Variants in CSMD1 observed in about 807,000 individuals in gnomAD.
CSMD1 encodes CUB and sushi domain-containing protein 1.
Under a neutral mutation model 417.5 loss-of-function variants are expected in CSMD1, and 213 were observed. The observed-to-expected ratio is 0.51, with a 90% CI of 0.46 to 0.57. CSMD1 has a LOEUF of 0.57. Ranked by LOEUF, CSMD1 falls within the 20% of genes least tolerant of loss-of-function variation. The pLI is 0.00. For missense variants in CSMD1, 6,923 were observed against 4,529.7 expected, an observed-to-expected ratio of 1.53 and a Z score of -15.17; for synonymous variants, 2,862 against 1,736.8, an observed-to-expected ratio of 1.65 and a Z score of -16.11.
intron 1 of CSMD1, among the ~76,000 whole-genome samples, chr8:4,706,410 T>C (rs1421492204): frequency 6.6e-6 from 1 of 152,206 alleles, no homozygotes; most frequent in Non-Finnish European, 1.5e-5. Flanking sequence ...TATAATGAAA[T>C]TGCTATAGCA....
chr8:3,935,927 A>G (rs762116661), intron 5 of CSMD1, among the ~76,000 whole-genome samples: 3 of 152,192 alleles, frequency 2.0e-5, no homozygotes, highest in Non-Finnish European at 2.9e-5. Flanking sequence ...CTCCTGCACT[A>G]AACAGTGAGC....
intron 10 of CSMD1, among the ~76,000 whole-genome samples, chr8:3,511,574 G>A (rs150221323): frequency 2.5e-3 from 377 of 151,496 alleles, no homozygotes; most frequent in Middle Eastern, 6.8e-3. Context: ...GGCCAAAATG[G>A]TGAAACCCCT....
intron 10 of CSMD1, among the ~76,000 whole-genome samples, chr8:3,508,202 C>A (rs1323333898): frequency 6.6e-6 from 1 of 152,178 alleles, no homozygotes; most frequent in South Asian, 2.1e-4. Context: ...CTTTGGTTGT[C>A]TAGAAATAGC....
chr8:2,946,230 G>C (rs149478910), intron 68 of CSMD1, among the ~76,000 whole-genome samples: 3 of 152,184 alleles, frequency 2.0e-5, no homozygotes, highest in Non-Finnish European at 2.9e-5. Flanking sequence ...GTCATTATGC[G>C]ATGCGTGACT....
Position 3,230,064 on chromosome 8 carries a change from G to T in CSMD1, c.4321C>A (p.Gln1441Lys), listed in dbSNP as rs1298544802. ...CCTATGCATGTAGGAGGGTCTGGTT[G>T]CCAAAAGAACCGGTTATTCAGCTGC... ...CVQLNNRFFW[Q>K]PDPPTCIAAC... The change falls in exon 27 of 70, where the codon CAA becomes AAA. Residue 1441 changes from glutamine to lysine, a missense_variant. Physicochemically the swap from Gln to Lys is moderately conservative, Grantham distance 53. Coordinates refer to ENST00000635120, the MANE Select transcript of CSMD1 (RefSeq NM_033225.6). The T allele has an allele frequency of 6.2e-6, 10 of 1,607,790 alleles. No individual in the cohort carries two copies. The highest frequency in any genetic ancestry group is 8.5e-6 in the Non-Finnish European group (10 of 1,176,796).
At chr8:3,437,644 A>C (rs1018564366) in intron 12 of CSMD1, among the ~76,000 whole-genome samples, 4 of 152,232 alleles carry the variant, frequency 2.6e-5, no homozygotes, top group Non-Finnish European at 5.9e-5. Flanking sequence ...GGTTGTGATT[A>C]TAATTTATTA....
At chr8:3,212,742 G>T (rs778373698) in intron 30 of CSMD1, among the ~76,000 whole-genome samples, 1 of 152,046 alleles carries the variant, frequency 6.6e-6, no homozygotes, top group Non-Finnish European at 1.5e-5. Context: ...TAAGAGAATG[G>T]ACTTAGAAAC....
At chr8:3,297,918 T>C (rs1439703340) in intron 25 of CSMD1, among the ~76,000 whole-genome samples, 1 of 152,018 alleles carries the variant, frequency 6.6e-6, no homozygotes, top group Non-Finnish European at 1.5e-5. Flanking sequence ...ATCATTTCAG[T>C]ATAAAAAAAT....
chr8:4,613,099 G>C (rs923273608), intron 2 of CSMD1, among the ~76,000 whole-genome samples: 1 of 152,120 alleles, frequency 6.6e-6, no homozygotes, highest in Non-Finnish European at 1.5e-5. Context: ...TCTTATAGCT[G>C]AATGCACACA....
At chr8:3,733,377 A>C (rs143674968) in intron 6 of CSMD1, among the ~76,000 whole-genome samples, 8,202 of 147,950 alleles carry the variant, frequency 0.055, 301 homozygotes, top group Middle Eastern at 0.096. Context: ...TATAAAATAT[A>C]ATATATATTA....
At chr8:3,306,848 G>C (rs1019920004) in intron 25 of CSMD1, among the ~76,000 whole-genome samples, 13 of 57,784 alleles carry the variant, frequency 2.2e-4, no homozygotes, top group Non-Finnish European at 4.2e-4. Flanking sequence ...ATATTACAGA[G>C]CTTACTTTAA....
chr8:4,324,250 G>GT (rs1799426895), intron 3 of CSMD1, among the ~76,000 whole-genome samples: 1 of 152,202 alleles, frequency 6.6e-6, no homozygotes, highest in Non-Finnish European at 1.5e-5. Context: ...CACCAAGAAT[G>GT]TGAGTTCTGA....
chr8:2,968,970 A>G (rs647454), intron 57 of CSMD1, among the ~76,000 whole-genome samples: 65,266 of 151,964 alleles, frequency 0.43, 16,193 homozygotes, highest in African/African-American at 0.69. Context: ...ATACTTTATT[A>G]TTTACAAATA....
intron 1 of CSMD1, among the ~76,000 whole-genome samples, chr8:4,852,519 T>A (rs1047369923): frequency 6.6e-6 from 1 of 152,146 alleles, no homozygotes; most frequent in Non-Finnish European, 1.5e-5. Flanking sequence ...CTCTTTCATT[T>A]ATAAGTTACC....
intron 15 of CSMD1, among the ~76,000 whole-genome samples, chr8:3,401,731 C>T (rs185653419): frequency 5.3e-5 from 8 of 151,596 alleles, no homozygotes; most frequent in East Asian, 2.0e-4. Flanking sequence ...CAATCAAAGA[C>T]GCTGACCCAG....
intron 33 of CSMD1, among the ~76,000 whole-genome samples, chr8:3,195,098 A>G (rs1796630634): frequency 6.6e-6 from 1 of 152,220 alleles, no homozygotes; most frequent in Admixed American, 6.5e-5. Flanking sequence ...GCAGCATTGA[A>G]TTCTATGTTG....
At chr8:4,183,965 A>C (rs1273194302) in intron 3 of CSMD1, among the ~76,000 whole-genome samples, 1 of 152,190 alleles carries the variant, frequency 6.6e-6, no homozygotes, top group Non-Finnish European at 1.5e-5. Context: ...AGAACACAGA[A>C]GGAAAATTCT....
At chr8:4,029,771 A>G (rs1335928982) in intron 4 of CSMD1, among the ~76,000 whole-genome samples, 2 of 152,176 alleles carry the variant, frequency 1.3e-5, no homozygotes, top group Non-Finnish European at 2.9e-5. Context: ...CCGAACTCTT[A>G]TCTGAGACAA....
intron 26 of CSMD1, among the ~76,000 whole-genome samples, chr8:3,244,234 T>C (rs1324596810): frequency 2.6e-5 from 4 of 152,192 alleles, no homozygotes; most frequent in African/African-American, 9.6e-5. Flanking sequence ...TGGAACACTT[T>C]TTATTCTTTC....
Sources: gnomAD v4.1 joint callset for allele counts (sites outside exome capture counted in the v4.1 genomes callset) on GRCh38, gnomAD v4.1.1 for gene constraint, MANE v1.5 for transcripts, NCBI Gene and HGNC (gene_info 2026-07-23, HGNC 2026-07-21) for gene names.